Variants in DKK2 observed in about 807,000 individuals in gnomAD.
DKK2 encodes the protein dickkopf-related protein 2.
A neutral mutation model predicts 28.1 loss-of-function variants in DKK2; 11 were observed. The observed-to-expected ratio is 0.39, with a 90% CI of 0.25 to 0.65. The LOEUF is 0.65. DKK2 is among the 30% of genes least tolerant of loss of function. The pLI, the probability that DKK2 is intolerant of heterozygous loss-of-function variation, is 0.47. For synonymous variants in DKK2, 135 were observed against 126.5 expected (o/e 1.07, Z -0.45); for missense variants, 326 against 335.5 (o/e 0.97, Z 0.22).
intron 1 of DKK2, among the ~76,000 whole-genome samples, chr4:106,991,095 T>A (rs960912103): frequency 3.3e-5 from 5 of 152,312 alleles, no homozygotes; most frequent in African/African-American, 1.2e-4. Flanking sequence ...AAAAGAGTTT[T>A]AGCAGATAAT....
chr4:106,990,589 T>C (rs1578370197), intron 1 of DKK2, among the ~76,000 whole-genome samples: 1 of 152,308 alleles, frequency 6.6e-6, no homozygotes, highest in East Asian at 1.9e-4. Context: ...ATTTCCATAG[T>C]CTAAATTCTT....
At chr4:106,986,858 C>G (rs1376130343) in intron 1 of DKK2, among the ~76,000 whole-genome samples, 1 of 152,226 alleles carries the variant, frequency 6.6e-6, no homozygotes, top group Non-Finnish European at 1.5e-5. Flanking sequence ...AGCTCTCCCC[C>G]TATTGTTCCC....
rs35340835 is a variant in DKK2 at position 106,997,069 on chromosome 4, AT to A, written c.222+38300del. 3.5e-4 allele frequency among the ~76,000 whole-genome samples: 53 copies of A among 151,334 alleles called. 1 individual carries two copies. Among genetic ancestry groups the A allele is most frequent in the African/African-American group, 6.8e-4 (28 of 41,294 alleles). On this transcript the variant is annotated intron_variant, in intron 1 of 3. Coordinates refer to ENST00000285311, the MANE Select transcript of DKK2 (RefSeq NM_014421.3). ...GAGAGTTCTATAACTTAAAATAGCC[AT>A]TTTTTTTTAAAGAAATCTATGATGT...
intron 1 of DKK2, among the ~76,000 whole-genome samples, chr4:106,940,813 C>G (rs1724685441): frequency 6.6e-6 from 1 of 152,144 alleles, no homozygotes; most frequent in Non-Finnish European, 1.5e-5. Flanking sequence ...TTTGTAAGGA[C>G]ATGGATGAAA....
chr4:106,949,901 A>G (rs1724834179), intron 1 of DKK2, among the ~76,000 whole-genome samples: 1 of 152,194 alleles, frequency 6.6e-6, no homozygotes, highest in East Asian at 1.9e-4. Context: ...TAGCATCAAC[A>G]CTGTTAACAC....
Position 107,004,400 on chromosome 4 carries a change from C to A in DKK2, c.222+30970G>T, listed in dbSNP as rs1195891729. ...ATGTTAGGATTCACAATAATGTCTT[C>A]CTAAGAAATGTTCGAGGATGACTTA... On this transcript the variant is annotated intron_variant, in intron 1 of 3. Transcript: ENST00000285311. Among the ~76,000 whole-genome samples the A allele has an allele frequency of 2.0e-5, 3 of 152,146 alleles. No individual in the cohort carries two copies. The East Asian group carries it at 5.8e-4, about 29-fold the overall frequency.
chr4:106,983,816 C>T (rs1030681736), intron 1 of DKK2, among the ~76,000 whole-genome samples: 14 of 152,182 alleles, frequency 9.2e-5, no homozygotes, highest in African/African-American at 3.4e-4. Context: ...AGAGACATTT[C>T]ATCTAAGAAG....
At position 106,923,246 on chromosome 4, in the gene DKK2, T is replaced by C. The variant is rs1232888684; in HGVS notation, c.*708A>G. On this transcript the variant is annotated 3_prime_UTR_variant, in exon 4 of 4. Transcript: ENST00000285311. ...AACTGTTTTTGTCTTGTATCAGTTC[T>C]TATTAATTACAGGTAAAACTAAAAT... 6.6e-6 allele frequency: 1 copy of C among 152,282 alleles called. No homozygotes were observed. Among genetic ancestry groups the C allele is most frequent in the African/African-American group, 2.4e-5 (1 of 41,450 alleles). The allele number at this position is 152,282 out of a possible 1,614,324, so 9.4% of individuals were successfully genotyped here. A position where few individuals can be genotyped will look rare whatever the true frequency, so the allele number is the denominator to read the frequency against.
At chr4:107,004,056 AAGAG>A (rs145391485) in intron 1 of DKK2, among the ~76,000 whole-genome samples, 15,055 of 152,200 alleles carry the variant, frequency 0.099, 871 homozygotes, top group East Asian at 0.21. Context: ...TGTGGATTGA[AAGAG>A]AGAGAGATAC....
At chr4:106,934,021 C>G (rs1414964621) in intron 1 of DKK2, among the ~76,000 whole-genome samples, 2 of 147,804 alleles carry the variant, frequency 1.4e-5, no homozygotes, top group Non-Finnish European at 3.0e-5. Context: ...TACATATATA[C>G]ACACACTATA....
At chr4:107,013,627 T>G (rs1270324519) in intron 1 of DKK2, among the ~76,000 whole-genome samples, 2 of 151,502 alleles carry the variant, frequency 1.3e-5, no homozygotes, top group Admixed American at 1.3e-4. Context: ...GACATTGGCC[T>G]GGGCAATAAA....
chr4:107,035,583 C>G lies in DKK2; in HGVS notation c.9G>C (p.Ala3=). 1 of 1,614,028 alleles carries G rather than the reference C, an allele frequency of 6.2e-7. No homozygotes were observed. Among genetic ancestry groups the G allele is most frequent in the Non-Finnish European group, 8.5e-7 (1 of 1,179,990 alleles). ...AGGACGAATCCTTGCTCCGCATCAACGCGGCCATCTCCCGGCGAGGGGGTC... is the reference window on the plus strand; with the variant it reads ...AGGACGAATCCTTGCTCCGCATCAAGGCGGCCATCTCCCGGCGAGGGGGTC... MA[A]LMRSKDSSCC... is the part of the protein sequence containing the mutation. Residue 3 remains alanine, a synonymous_variant, in exon 1 of 4, where the codon GCG becomes GCC. Coordinates refer to ENST00000285311, the MANE Select transcript of DKK2 (RefSeq NM_014421.3).
At chr4:106,959,538 GTGATC>G (rs1289121882) in intron 1 of DKK2, among the ~76,000 whole-genome samples, 1 of 151,968 alleles carries the variant, frequency 6.6e-6, no homozygotes, top group Non-Finnish European at 1.5e-5. Flanking sequence ...CAGATTAAGT[GTGATC>G]TAGACTCAAA....
rs573368207 is a variant in DKK2, at chr4:107,029,023, C to CA, written c.222+6346_222+6347insT. On this transcript the variant is annotated intron_variant, in intron 1 of 3. Transcript: ENST00000285311. ...AGAAAGGTAGGGGTATATGGGAGGA[C>CA]GGGGGGCAAGTAGAGGCAGGGATGA... is the stretch of plus-strand genomic sequence containing the variant. Among the ~76,000 whole-genome samples the CA allele has an allele frequency of 3.3e-3, 506 of 152,010 alleles. 2 individuals carry two copies. The highest frequency in any genetic ancestry group is 3.5e-3 in the Non-Finnish European group (238 of 67,946).
chr4:107,034,430 T>G (rs1346515584), intron 1 of DKK2, among the ~76,000 whole-genome samples: 1 of 149,292 alleles, frequency 6.7e-6, no homozygotes, highest in East Asian at 2.1e-4. Context: ...GAGCCCCCTC[T>G]CCTGGCCACA....
At chr4:107,019,454 G>C (rs1723660191) in intron 1 of DKK2, among the ~76,000 whole-genome samples, 1 of 151,916 alleles carries the variant, frequency 6.6e-6, no homozygotes, top group Admixed American at 6.6e-5. Context: ...AGCTCACAGG[G>C]TTTAGGGAAG....
chr4:107,035,286 G>C, intron 1 of DKK2, 84 bp downstream of exon 1: 1 of 1,484,228 alleles, frequency 6.7e-7, no homozygotes, highest in Non-Finnish European at 9.3e-7. Flanking sequence ...TCCGAATGTT[G>C]CAAGATGCAA....
intron 1 of DKK2, among the ~76,000 whole-genome samples, chr4:106,937,738 G>A (rs1277269672): frequency 8.8e-4 from 126 of 142,434 alleles, no homozygotes; most frequent in Non-Finnish European, 1.7e-3. Flanking sequence ...CTCAGCAAAT[G>A]TAAAAGAACA....
chr4:106,935,553 T>C (rs1338145604), intron 1 of DKK2, among the ~76,000 whole-genome samples: 1 of 152,202 alleles, frequency 6.6e-6, no homozygotes, highest in African/African-American at 2.4e-5. Flanking sequence ...GCGCCTGCCA[T>C]TGCCCAGGCT....
Sources: gnomAD v4.1 joint callset for allele counts (sites outside exome capture counted in the v4.1 genomes callset) on GRCh38, gnomAD v4.1.1 for gene constraint, MANE v1.5 for transcripts, NCBI Gene and HGNC (gene_info 2026-07-23, HGNC 2026-07-21) for gene names.